The following APC variants were observed in gnomAD, a reference collection of about 807,000 sequenced individuals.
APC encodes APC regulator of Wnt signaling pathway, also known as adenomatous polyposis coli protein.
In APC, 72 loss-of-function variants were observed where a neutral mutation model predicts 247.0. The ratio of observed to expected loss-of-function variants is 0.29; its 90% CI spans 0.24 to 0.35. APC has a LOEUF of 0.35. Ranked by LOEUF, APC falls within the 10% of genes least tolerant of loss-of-function variation. APC has a pLI of 1.00. For synonymous variants in APC, 1,254 were observed against 1,162.5 expected, an observed-to-expected ratio of 1.08 and a Z score of -1.60; for missense variants, 3,400 against 3,360.7, an observed-to-expected ratio of 1.01 and a Z score of -0.29.
At chr5:112,781,759 A>G (rs1758371801) in intron 6 of APC, among the ~76,000 whole-genome samples, 2 of 150,890 alleles carry the variant, frequency 1.3e-5, no homozygotes, top group Non-Finnish European at 2.9e-5. Flanking sequence ...TCCTAAACAT[A>G]ATGATTTTTT....
chr5:112,843,353 G>A lies in APC; in HGVS notation c.7759G>A (p.Glu2587Lys), dbSNP rs751299922. 1.2e-6 allele frequency: 2 copies of A among 1,613,900 alleles called. No homozygotes were observed. The highest frequency in any genetic ancestry group is 2.2e-5 in the South Asian group (2 of 91,068). The change falls in exon 16 of 16, where the codon GAG (glutamate) becomes AAG (lysine). Residue 2587 changes from glutamate to lysine, a missense_variant. By Grantham distance (56) the Glu-to-Lys change is moderately conservative (BLOSUM62 1). This residue lies in a region of APC where 1,788 missense variants were observed against 1,649.5 expected (regional missense o/e 1.08). Coordinates refer to ENST00000257430, the MANE Select transcript of APC (RefSeq NM_000038.6). The surrounding 1 kb of genome is among the most constrained non-coding windows in gnomAD (Gnocchi z 4.8). ...AGAATCCAGTGAAAAAGCAAAAAGTGAGGATGAAAAACATGTGAACTCTAT... is the reference window on the plus strand; with the variant it reads ...AGAATCCAGTGAAAAAGCAAAAAGTAAGGATGAAAAACATGTGAACTCTAT... ...SSESSEKAKS[E>K]DEKHVNSISG...
intron 1 of APC, among the ~76,000 whole-genome samples, chr5:112,730,847 TA>T (rs1350373471): frequency 6.6e-6 from 1 of 151,812 alleles, no homozygotes; most frequent in African/African-American, 2.4e-5. Context: ...GTACTTAACT[TA>T]AAAAAAATGG....
chr5:112,751,293 A>G (rs191298611), intron 1 of APC, among the ~76,000 whole-genome samples: 4 of 152,222 alleles, frequency 2.6e-5, no homozygotes, highest in African/African-American at 7.2e-5. Context: ...GCTTTGTACA[A>G]TATTTTAATA....
At chr5:112,741,274 C>A (rs1485716099) in intron 1 of APC, among the ~76,000 whole-genome samples, 2 of 152,108 alleles carry the variant, frequency 1.3e-5, no homozygotes, top group Non-Finnish European at 2.9e-5. Context: ...CTAAGATATC[C>A]TCTAATTTAG....
At position 112,842,093 on chromosome 5, in the gene APC, A is replaced by G. The variant is rs757567894; in HGVS notation, c.6499A>G (p.Ile2167Val). ...KPFTSNKGPRILKPGEKSTLE... is the reference protein window; with the variant it reads ...KPFTSNKGPRVLKPGEKSTLE... The stretch of plus-strand genomic sequence containing the variant: ...CTTTACAAGTAATAAAGGCCCACGA[A>G]TTCTAAAACCAGGGGAGAAAAGTAC... Residue 2167 changes from isoleucine to valine, a missense_variant, in exon 16 of 16, where the codon ATT (isoleucine) becomes GTT (valine). Ile to Val is a conservative substitution (Grantham distance 29, BLOSUM62 3). This residue lies in a region of APC where 1,788 missense variants were observed against 1,649.5 expected (regional missense o/e 1.08). Transcript: ENST00000257430. 2 of 1,611,156 alleles carry G rather than the reference A, an allele frequency of 1.2e-6. No homozygotes were observed. Among genetic ancestry groups the G allele is most frequent in the African/African-American group, 2.7e-5 (2 of 74,800 alleles).
chr5:112,786,071 A>G (rs183523857), intron 6 of APC, among the ~76,000 whole-genome samples: 1 of 152,226 alleles, frequency 6.6e-6, no homozygotes, highest in African/African-American at 2.4e-5. Context: ...AATGAATAAG[A>G]AAAAGACAAC....
chr5:112,727,810 T>A (rs889584675), intron 1 of APC, among the ~76,000 whole-genome samples: 5 of 152,166 alleles, frequency 3.3e-5, no homozygotes, highest in Admixed American at 6.5e-5. Context: ...GAATACAGTT[T>A]GTATTGTAAA....
At chr5:112,814,516 A>T (rs1355129506) in intron 8 of APC, among the ~76,000 whole-genome samples, 1 of 152,266 alleles carries the variant, frequency 6.6e-6, no homozygotes, top group South Asian at 2.1e-4. Flanking sequence ...CAAGCCAGTT[A>T]ATTTGACCTT....
chr5:112,806,017 C>A (rs985768279), intron 8 of APC, among the ~76,000 whole-genome samples: 1 of 152,156 alleles, frequency 6.6e-6, no homozygotes, highest in South Asian at 2.1e-4. Flanking sequence ...CCACACTGGC[C>A]TTCTCTCAGT....
chr5:112,732,501 G>A (rs1349294800), intron 1 of APC, among the ~76,000 whole-genome samples: 2 of 152,160 alleles, frequency 1.3e-5, no homozygotes, highest in African/African-American at 4.8e-5. Context: ...TCAGTAGAAG[G>A]TTATATTTTA....
intron 7 of APC, among the ~76,000 whole-genome samples, chr5:112,797,991 A>G (rs1398448706): frequency 6.6e-6 from 1 of 152,232 alleles, no homozygotes; most frequent in Admixed American, 6.5e-5. Flanking sequence ...TAAATAGTAC[A>G]GCCACCATTT....
At chr5:112,800,167 A>G (rs1184698905) in intron 7 of APC, among the ~76,000 whole-genome samples, 1 of 152,172 alleles carries the variant, frequency 6.6e-6, no homozygotes, top group Non-Finnish European at 1.5e-5. Flanking sequence ...CAAGTAACTA[A>G]CATAGTAGAT....
At chr5:112,806,571 T>G (rs1561523107) in intron 8 of APC, among the ~76,000 whole-genome samples, 1 of 151,084 alleles carries the variant, frequency 6.6e-6, no homozygotes, top group African/African-American at 2.4e-5. Context: ...TTTATTTATT[T>G]ATTTATTTAT....
At chr5:112,758,432 T>C (rs1202332964) in intron 2 of APC, among the ~76,000 whole-genome samples, 2 of 152,158 alleles carry the variant, frequency 1.3e-5, no homozygotes, top group Non-Finnish European at 2.9e-5. Context: ...GTTCAAGCGG[T>C]TCTCCTGCCT....
intron 6 of APC, among the ~76,000 whole-genome samples, chr5:112,785,876 A>G (rs1302180965): frequency 6.6e-6 from 1 of 152,218 alleles, no homozygotes; most frequent in Non-Finnish European, 1.5e-5. Context: ...AATTAATAGA[A>G]TAAAATACAG....
chr5:112,842,440 A>G lies in APC; in HGVS notation c.6846A>G (p.Leu2282=), dbSNP rs747470110. ...RGAKPSVKSE[L]SPVARQTSQI... The stretch of plus-strand genomic sequence containing the variant: ...CCAAGCCATCTGTGAAATCAGAATT[A>G]AGCCCTGTTGCCAGGCAGACATCCC... Residue 2282 remains leucine, a synonymous_variant, in exon 16 of 16, where the codon TTA becomes TTG. Transcript: ENST00000257430. The G allele has an allele frequency of 1.2e-6, 2 of 1,614,042 alleles. No individual in the cohort carries two copies. Among genetic ancestry groups the G allele is most frequent in the Non-Finnish European group, 1.7e-6 (2 of 1,179,922 alleles).
rs1580604055 is a variant in APC, at chr5:112,835,056, G to A, written c.1849G>A (p.Val617Ile). The A allele has an allele frequency of 1.2e-6, 2 of 1,614,100 alleles. No homozygotes were observed. Among genetic ancestry groups the A allele is most frequent in the African/African-American group, 1.3e-5 (1 of 75,028 alleles). ...TGTAGATGGTGCACTTGCATTTTTG[G>A]TTGGCACTCTTACTTACCGGAGCCA... is the stretch of plus-strand genomic sequence containing the variant. ...CAVDGALAFL[V>I]GTLTYRSQTN... is the part of the protein sequence containing the mutation. The change falls in exon 15 of 16, where the codon GTT becomes ATT. Residue 617 changes from valine (V) to isoleucine (I), a missense_variant. By Grantham distance (29) the Val-to-Ile change is conservative. This residue lies in a region of APC where 184 missense variants were observed against 248.0 expected (regional missense o/e 0.74). Coordinates refer to ENST00000257430, the MANE Select transcript of APC (RefSeq NM_000038.6).
chr5:112,811,028 C>T (rs1299523327), intron 8 of APC, among the ~76,000 whole-genome samples: 1 of 151,872 alleles, frequency 6.6e-6, no homozygotes, highest in African/African-American at 2.4e-5. Flanking sequence ...CCATCTCACA[C>T]ACACACACAC....
rs1561620240 is a variant in APC, at chr5:112,843,644, G to A, written c.8050G>A (p.Asp2684Asn). 1 of 1,613,816 alleles carries A rather than the reference G, an allele frequency of 6.2e-7. No individual in the cohort carries two copies. Among genetic ancestry groups the A allele is most frequent in the Non-Finnish European group, 8.5e-7 (1 of 1,179,796 alleles). The change falls in exon 16 of 16, where the codon GAC (aspartate) becomes AAC (asparagine). Residue 2684 changes from aspartate (D) to asparagine (N), a missense_variant. Transcript: ENST00000257430. This position sits in a 1 kb window ranked among gnomAD's most constrained non-coding sequence, Gnocchi z 4.8. The part of the protein sequence containing the change: ...SPTGNTPPVI[D>N]SVSEKANPNI... Reference sequence around the variant, plus strand: ...CACAGGTAATACTCCCCCGGTGATTGACAGTGTTTCAGAAAAGGCAAATCC... The same window carrying A: ...CACAGGTAATACTCCCCCGGTGATTAACAGTGTTTCAGAAAAGGCAAATCC...
Sources: gnomAD v4.1 joint callset for allele counts (sites outside exome capture counted in the v4.1 genomes callset) on GRCh38, gnomAD v4.1.1 for gene constraint, gnomAD v4.1.1 regional missense constraint, Gnocchi (gnomAD v3.1) non-coding constraint, MANE v1.5 for transcripts, NCBI Gene and HGNC (gene_info 2026-07-23, HGNC 2026-07-21) for gene names.